The following RYR3 variants were observed in gnomAD, a reference collection of about 807,000 sequenced individuals.
RYR3 encodes the protein ryanodine receptor 3.
Under a neutral mutation model 584.3 loss-of-function variants are expected in RYR3, and 207 were observed. That is an observed-to-expected ratio of 0.35 (90% CI 0.32 to 0.40). The LOEUF is 0.40. Ranked by LOEUF, RYR3 falls within the 10% of genes least tolerant of loss-of-function variation. RYR3 has a pLI of 1.00. For synonymous variants in RYR3, 2,416 were observed against 2,248.5 expected, an observed-to-expected ratio of 1.07 and a Z score of -2.11; for missense variants, 5,616 against 6,089.2, an observed-to-expected ratio of 0.92 and a Z score of 2.59.
At chr15:33,518,940 G>A (rs1004880454) in intron 3 of RYR3, among the ~76,000 whole-genome samples, 1 of 152,200 alleles carries the variant, frequency 6.6e-6, no homozygotes, top group African/African-American at 2.4e-5. Context: ...TAAGTTCTGG[G>A]GGTCTGCAAA....
rs1205142320 is a variant in RYR3 at position 33,449,092 on chromosome 15, A to G, written c.52-24327A>G. Among the ~76,000 whole-genome samples the G allele has an allele frequency of 3.3e-5, 5 of 152,194 alleles. No individual in the cohort carries two copies. In the East Asian group the frequency reaches 7.7e-4, roughly 23 times the overall value. ...GTTATCCCCAAACTTAGCAACTTCA[A>G]CAAACTTATTACCTCAGTTCCTGTA... is the stretch of plus-strand genomic sequence containing the variant. On this transcript the variant is annotated intron_variant, in intron 1 of 103. Transcript: ENST00000634891.
intron 67 of RYR3, among the ~76,000 whole-genome samples, chr15:33,793,839 AT>A (rs1407717459): frequency 6.7e-6 from 1 of 150,188 alleles, no homozygotes; most frequent in Non-Finnish European, 1.5e-5. Flanking sequence ...TGTAGTTACT[AT>A]TTAAAATAAC....
At chr15:33,383,475 G>A (rs1412584875) in intron 1 of RYR3, among the ~76,000 whole-genome samples, 1 of 151,620 alleles carries the variant, frequency 6.6e-6, no homozygotes, top group Non-Finnish European at 1.5e-5. Flanking sequence ...GTTAATGTCC[G>A]GCATTTTCAT....
At chr15:33,512,469 C>G (rs955821494) in intron 3 of RYR3, among the ~76,000 whole-genome samples, 3 of 152,224 alleles carry the variant, frequency 2.0e-5, no homozygotes, top group African/African-American at 7.2e-5. Context: ...TCCAGACTCT[C>G]TCAAATCCCC....
chr15:33,575,826 G>A (rs2058269865), intron 12 of RYR3, among the ~76,000 whole-genome samples: 1 of 56,346 alleles, frequency 1.8e-5, no homozygotes, highest in Non-Finnish European at 4.0e-5. Flanking sequence ...AAATACAGGA[G>A]CTGGTTTTAA....
At chr15:33,567,086 A>G (rs1404325375) in intron 12 of RYR3, among the ~76,000 whole-genome samples, 1 of 152,234 alleles carries the variant, frequency 6.6e-6, no homozygotes, top group Non-Finnish European at 1.5e-5. Flanking sequence ...GTTGGAGTGC[A>G]TAGGTCCATT....
rs80156864 is a variant in RYR3, at chr15:33,641,131, C to A, written c.3557-3180C>A. ...AGACAAACAGGTGAACTCCCTGACA[C>A]GTTGGAAAATCATTTGAAAAGCAAT... On this transcript the variant is annotated intron_variant, in intron 27 of 103. Transcript: ENST00000634891. Among the ~76,000 whole-genome samples the A allele has an allele frequency of 1.6e-3, 247 of 152,268 alleles. 2 individuals are homozygous for A. The highest frequency in any genetic ancestry group is 3.4e-3 in the Middle Eastern group (1 of 294).
At chr15:33,365,034 C>T (rs191062698) in intron 1 of RYR3, among the ~76,000 whole-genome samples, 65 of 152,264 alleles carry the variant, frequency 4.3e-4, no homozygotes, top group Non-Finnish European at 8.4e-4. Flanking sequence ...GGACATGTAA[C>T]TAAGAGGAGT....
intron 69 of RYR3, among the ~76,000 whole-genome samples, chr15:33,806,354 A>AT (rs1401374203): frequency 2.6e-5 from 4 of 152,134 alleles, no homozygotes; most frequent in Non-Finnish European, 4.4e-5. Flanking sequence ...GAATCTGTAC[A>AT]TTTCTATTAA....
chr15:33,756,618 G>T (rs186312737), intron 59 of RYR3, among the ~76,000 whole-genome samples: 3 of 152,078 alleles, frequency 2.0e-5, no homozygotes, highest in Non-Finnish European at 4.4e-5. Flanking sequence ...CACCATCTCC[G>T]GAGGTGTGGC....
In RYR3 at chr15:33,632,975, C is replaced by T; in HGVS notation, c.2894C>T (p.Pro965Leu). The change falls in exon 24 of 104, where the codon CCA (proline) becomes CTA (leucine). Residue 965 changes from proline (P) to leucine (L), a missense_variant. By Grantham distance (98) the Pro-to-Leu change is moderately conservative. This residue lies in a region of RYR3 where 1,284 missense variants were observed against 1,344.6 expected (regional missense o/e 0.95). Coordinates refer to ENST00000634891, the MANE Select transcript of RYR3 (RefSeq NM_001036.6). ...TATATGATGTCCAACGGCTATAAGC[C>T]AGCCCCTTTGGATTTGTCTGATGTG... ...KNYMMSNGYK[P>L]APLDLSDVKL... 6.2e-7 allele frequency: 1 copy of T among 1,613,710 alleles called. No homozygotes were observed. The highest frequency in any genetic ancestry group is 1.1e-5 in the South Asian group (1 of 91,034).
At chr15:33,677,938 C>T (rs977668297) in intron 38 of RYR3, among the ~76,000 whole-genome samples, 10 of 152,194 alleles carry the variant, frequency 6.6e-5, no homozygotes, top group East Asian at 5.8e-4. Context: ...TCCATATCCA[C>T]TACGCCTTCT....
intron 67 of RYR3, among the ~76,000 whole-genome samples, chr15:33,793,971 T>C: frequency 1.1e-5 from 1 of 87,084 alleles, no homozygotes; most frequent in South Asian, 6.4e-4. Context: ...TATGTAAATG[T>C]ATATATAAAT....
chr15:33,751,725 T>A (rs575987902), intron 57 of RYR3, among the ~76,000 whole-genome samples: 1 of 152,204 alleles, frequency 6.6e-6, no homozygotes, highest in Non-Finnish European at 1.5e-5. Context: ...GCAGAAGCTC[T>A]TTAGTTTAAT....
rs762140107 is a variant in RYR3 at position 33,768,700 on chromosome 15, C to T, written c.8748C>T (p.Ser2916=). 2 of 1,613,744 alleles carry T rather than the reference C, an allele frequency of 1.2e-6. No individual in the cohort carries two copies. The highest frequency in any genetic ancestry group is 1.7e-5 in the Admixed American group (1 of 60,010). The change falls in exon 61 of 104, where the codon TCC becomes TCT. Residue 2916 remains serine (S), a synonymous_variant. Transcript: ENST00000634891. ...KLAALVRHRI[S]LFGSDSTTMV... ...CCGCTCTCGTTAGACACAGAATTTC[C>T]CTCTTTGGTAAGTGAAGTGTTGCTC...
intron 7 of RYR3, among the ~76,000 whole-genome samples, chr15:33,541,685 A>G (rs1431642587): frequency 1.3e-5 from 2 of 152,154 alleles, no homozygotes; most frequent in Non-Finnish European, 2.9e-5. Flanking sequence ...CTATTCTATC[A>G]TGTTTGAAAA....
intron 23 of RYR3, among the ~76,000 whole-genome samples, chr15:33,632,082 G>A (rs2061296557): frequency 6.6e-6 from 1 of 152,220 alleles, no homozygotes. Flanking sequence ...TCTGCCCAAG[G>A]GCAGCATCCT....
chr15:33,864,091 C>G (rs566316312), intron 102 of RYR3, 47 bp from the exon 103 acceptor site: 2 of 1,435,626 alleles, frequency 1.4e-6, no homozygotes, highest in African/African-American at 1.4e-5. Context: ...TGCGAATGAA[C>G]TTGGGTCTTG....
chr15:33,446,657 T>C (rs1465755314), intron 1 of RYR3, among the ~76,000 whole-genome samples: 1 of 152,238 alleles, frequency 6.6e-6, no homozygotes, highest in Non-Finnish European at 1.5e-5. Context: ...TTAATTATCA[T>C]TTATAAAACA....
Sources: gnomAD v4.1 joint callset for allele counts (sites outside exome capture counted in the v4.1 genomes callset) on GRCh38, gnomAD v4.1.1 for gene constraint, gnomAD v4.1.1 regional missense constraint, MANE v1.5 for transcripts, NCBI Gene and HGNC (gene_info 2026-07-23, HGNC 2026-07-21) for gene names.